The following PLCB4 variants were observed in gnomAD, a reference collection of about 807,000 sequenced individuals.
PLCB4 encodes the protein 1-phosphatidylinositol 4,5-bisphosphate phosphodiesterase beta-4.
A neutral mutation model predicts 178.8 loss-of-function variants in PLCB4; 77 were observed. The ratio of observed to expected loss-of-function variants is 0.43; its 90% CI spans 0.36 to 0.52. The LOEUF (loss-of-function observed/expected upper bound fraction) is 0.52. Among genes scored for constraint, PLCB4 ranks in the 20% least tolerant of loss-of-function variants. The pLI, the probability that PLCB4 is intolerant of heterozygous loss-of-function variation, is 0.00. For missense variants in PLCB4, 1,024 were observed against 1,453.4 expected (o/e 0.70, Z 4.80); for synonymous variants, 496 against 490.8 (o/e 1.01, Z -0.14).
intron 2 of PLCB4, among the ~76,000 whole-genome samples, chr20:9,167,934 C>G (rs2092999333): frequency 6.6e-6 from 1 of 152,092 alleles, no homozygotes; most frequent in South Asian, 2.1e-4. Flanking sequence ...TTAAAATAAA[C>G]TTATTTTCGA....
intron 3 of PLCB4, among the ~76,000 whole-genome samples, chr20:9,300,194 CT>C (rs2094687249): frequency 6.6e-6 from 1 of 152,074 alleles, no homozygotes; most frequent in Non-Finnish European, 1.5e-5. Flanking sequence ...AACTGATTTA[CT>C]TGTGGTCAGT....
chr20:9,304,537 T>C (rs1031402562), intron 3 of PLCB4, among the ~76,000 whole-genome samples: 1 of 152,208 alleles, frequency 6.6e-6, no homozygotes, highest in Non-Finnish European at 1.5e-5. Context: ...TACTTTGAGT[T>C]ATTTAAGTTG....
chr20:9,207,590 G>C (rs151121663), intron 2 of PLCB4, among the ~76,000 whole-genome samples: 17 of 152,310 alleles, frequency 1.1e-4, no homozygotes, highest in Non-Finnish European at 2.1e-4. Flanking sequence ...ACGTGGTGCC[G>C]TGCTGCCATT....
chr20:9,473,195 TAA>T, intron 37 of PLCB4, 82 bp from the exon 38 acceptor site: 2 of 775,238 alleles, frequency 2.6e-6, no homozygotes, highest in South Asian at 4.2e-5. Context: ...ACTTAAATTA[TAA>T]AGTTACAAGT....
chr20:9,436,892 T>C (rs1437122581), intron 29 of PLCB4, 110 bp from the exon 30 acceptor site: 6 of 1,000,284 alleles, frequency 6.0e-6, no homozygotes, highest in Non-Finnish European at 8.9e-6. Context: ...AGAGTAGAAG[T>C]CTAGGAAGAG....
chr20:9,327,019 CAGTT>C (rs1182973702), intron 4 of PLCB4, among the ~76,000 whole-genome samples: 7 of 152,104 alleles, frequency 4.6e-5, no homozygotes, highest in Admixed American at 2.0e-4. Context: ...TGCCTCACCT[CAGTT>C]AGGAAAAGTT....
intron 15 of PLCB4, among the ~76,000 whole-genome samples, chr20:9,388,884 A>T (rs957923501): frequency 6.6e-6 from 1 of 152,214 alleles, no homozygotes; most frequent in Non-Finnish European, 1.5e-5. Flanking sequence ...CAGGAAGAAT[A>T]ACTAAATGAC....
At chr20:9,136,397 G>T (rs972522272) in intron 2 of PLCB4, among the ~76,000 whole-genome samples, 5 of 152,060 alleles carry the variant, frequency 3.3e-5, no homozygotes, top group African/African-American at 7.2e-5. Flanking sequence ...CTGTGCTGGG[G>T]CCCTTTTGGA....
intron 3 of PLCB4, among the ~76,000 whole-genome samples, chr20:9,301,325 A>G (rs1373088973): frequency 6.6e-6 from 1 of 151,872 alleles, no homozygotes; most frequent in African/African-American, 2.4e-5. Flanking sequence ...CTGGTTTCAC[A>G]TACTGCCCTC....
At chr20:9,140,855 G>A (rs2146869455) in intron 2 of PLCB4, among the ~76,000 whole-genome samples, 1 of 152,128 alleles carries the variant, frequency 6.6e-6, no homozygotes, top group South Asian at 2.1e-4. Flanking sequence ...TTCCTTTATA[G>A]CAATGCAAAA....
At chr20:9,162,826 C>G (rs899079036) in intron 2 of PLCB4, among the ~76,000 whole-genome samples, 1 of 151,964 alleles carries the variant, frequency 6.6e-6, no homozygotes, top group Non-Finnish European at 1.5e-5. Context: ...TTATCTTGTT[C>G]TCAGTAAAAA....
chr20:9,434,298 G>C (rs185609954), intron 28 of PLCB4, among the ~76,000 whole-genome samples: 3 of 152,302 alleles, frequency 2.0e-5, no homozygotes, highest in African/African-American at 7.2e-5. Context: ...CGTAGGATTG[G>C]CAGGAGAGAA....
At chr20:9,243,595 T>G (rs1476770775) in intron 3 of PLCB4, among the ~76,000 whole-genome samples, 2 of 152,218 alleles carry the variant, frequency 1.3e-5, no homozygotes, top group Non-Finnish European at 2.9e-5. Flanking sequence ...GAAGCTGCAA[T>G]TTTTTGCATC....
In PLCB4 at chr20:9,390,616, G is replaced by T; in HGVS notation, c.1323+1G>T. Reference sequence around the variant, plus strand: ...GAAACAAGCACTTGAATCACATCCAGTATGTATTTTTAACAAACCATATTT... The same window carrying T: ...GAAACAAGCACTTGAATCACATCCATTATGTATTTTTAACAAACCATATTT... On this transcript the variant is annotated splice_donor_variant, in intron 17 of 39. Transcript: ENST00000378473. LOFTEE classifies it high-confidence loss of function. 1 of 1,456,026 alleles carries T rather than the reference G, an allele frequency of 6.9e-7. No individual in the cohort carries two copies. Among genetic ancestry groups the T allele is most frequent in the Non-Finnish European group, 9.6e-7 (1 of 1,036,738 alleles). 90.2% of individuals were successfully genotyped at this position (1,456,026 alleles called of 1,614,324 possible).
chr20:9,394,627 G>A (rs929856191), intron 18 of PLCB4, among the ~76,000 whole-genome samples: 6 of 152,072 alleles, frequency 3.9e-5, no homozygotes, highest in South Asian at 4.1e-4. Flanking sequence ...ATGATGTAAC[G>A]AGTCCCAAGT....
At chr20:9,383,418 G>A (rs1237338418) in intron 13 of PLCB4, among the ~76,000 whole-genome samples, 2 of 152,200 alleles carry the variant, frequency 1.3e-5, no homozygotes, top group Non-Finnish European at 2.9e-5. Context: ...GTATTAGCTT[G>A]AAATCAGTTC....
At chr20:9,127,150 G>A (rs188370196) in intron 2 of PLCB4, among the ~76,000 whole-genome samples, 27 of 152,170 alleles carry the variant, frequency 1.8e-4, no homozygotes, top group African/African-American at 5.3e-4. Context: ...GTAGAAGGGC[G>A]GTGTTAAAGC....
chr20:9,438,476 A>T (rs1335908213), intron 30 of PLCB4, among the ~76,000 whole-genome samples: 2 of 152,148 alleles, frequency 1.3e-5, no homozygotes, highest in Admixed American at 1.3e-4. Context: ...TCCCAGAGAT[A>T]GATTGTACCA....
At chr20:9,147,382 A>G (rs987881461) in intron 2 of PLCB4, among the ~76,000 whole-genome samples, 3 of 152,146 alleles carry the variant, frequency 2.0e-5, no homozygotes, top group African/African-American at 7.2e-5. Context: ...CTTTTGCCAC[A>G]ATAATGCTGC....
Sources: allele counts gnomAD v4.1 joint callset (sites outside exome capture counted in the v4.1 genomes callset), GRCh38; gene constraint gnomAD v4.1.1; transcripts MANE v1.5; gene names NCBI Gene and HGNC (gene_info 2026-07-23, HGNC 2026-07-21).